Variants in MLLT1 observed in about 807,000 individuals in gnomAD.
MLLT1 encodes MLLT1 super elongation complex subunit.
MLLT1 carries 11 observed loss-of-function variants against 55.1 expected under a neutral mutation model. The ratio of observed to expected loss-of-function variants is 0.20; its 90% CI spans 0.13 to 0.33. The LOEUF is 0.33. Among genes scored for constraint, MLLT1 ranks in the 10% least tolerant of loss-of-function variants. MLLT1 has a pLI of 1.00. For synonymous variants in MLLT1, 323 were observed against 320.1 expected, an observed-to-expected ratio of 1.01 and a Z score of -0.10; for missense variants, 536 against 760.6, an observed-to-expected ratio of 0.70 and a Z score of 3.47.
intron 2 of MLLT1, among the ~76,000 whole-genome samples, chr19:6,265,012 C>A (rs2091335241): frequency 1.2e-5 from 1 of 80,490 alleles, no homozygotes; most frequent in Non-Finnish European, 2.4e-5. Context: ...GAAAGACACT[C>A]AAATGTCACA....
chr19:6,270,507 G>A lies in MLLT1; in HGVS notation c.193+72C>T, dbSNP rs1028848193. The A allele has an allele frequency of 3.2e-5, 48 of 1,488,166 alleles. No homozygotes were observed. Among genetic ancestry groups the A allele is most frequent in the Non-Finnish European group, 2.8e-5 (31 of 1,104,568 alleles). The allele number at this position is 1,488,166 out of a possible 1,614,324, so 92.2% of individuals were successfully genotyped here. On this transcript the variant is annotated intron_variant, in intron 2 of 11. Transcript: ENST00000252674. This position sits in a 1 kb window ranked among gnomAD's most constrained non-coding sequence, Gnocchi z 7.1. ...GTCCTGCTGCTCCTGAGGGAGGGGT[G>A]GAGCCTGGCCTTGGGAGGAGTGAAG... is the stretch of plus-strand genomic sequence containing the variant.
chr19:6,274,741 C>T (rs1246538741), intron 1 of MLLT1, among the ~76,000 whole-genome samples: 1 of 152,180 alleles, frequency 6.6e-6, no homozygotes, highest in African/African-American at 2.4e-5. Context: ...GGGAACCTTC[C>T]AGGACTGTCC....
At chr19:6,247,200 G>A (rs2091176708) in intron 3 of MLLT1, among the ~76,000 whole-genome samples, 1 of 152,148 alleles carries the variant, frequency 6.6e-6, no homozygotes, top group Admixed American at 6.6e-5. Context: ...GGGTGGGGGT[G>A]GTTTCCTAGC....
chr19:6,216,768 T>A (rs1469849223), intron 7 of MLLT1: 3 of 484,276 alleles, frequency 6.2e-6, no homozygotes. Flanking sequence ...CTCAGGGGAC[T>A]GGCCGGCAGT....
rs1600183093 is a variant in MLLT1 at position 6,229,369 on chromosome 19, CCTT to C, written c.420+1198_420+1200del. Among the ~76,000 whole-genome samples the C allele has an allele frequency of 1.3e-5, 2 of 152,028 alleles. No individual in the cohort carries two copies. The highest frequency in any genetic ancestry group is 6.6e-5 in the Admixed American group (1 of 15,264). On this transcript the variant is annotated intron_variant, in intron 4 of 11. Coordinates refer to ENST00000252674, the MANE Select transcript of MLLT1 (RefSeq NM_005934.4). This position sits in a 1 kb window ranked among gnomAD's most constrained non-coding sequence, Gnocchi z 5.2. ...CAAGCTTCTACATGGACAGACGCCTCCTTCTTCTTAGGAGAACGACGGCCACCA... is the reference window on the plus strand; with the variant it reads ...CAAGCTTCTACATGGACAGACGCCTCCTTCTTAGGAGAACGACGGCCACCA...
At position 6,227,114 on chromosome 19, in the gene MLLT1, G is replaced by A; in HGVS notation, c.421-12C>T. 6 of 1,591,140 alleles carry A rather than the reference G, an allele frequency of 3.8e-6. No homozygotes were observed. Among genetic ancestry groups the A allele is most frequent in the Non-Finnish European group, 5.1e-6 (6 of 1,171,200 alleles). ...GGCATTACCATCACCTAGTGACAGA[G>A]AAGAGACAGTCATTATCGATGGGCA... On this transcript the variant is annotated splice_polypyrimidine_tract_variant and intron_variant, in intron 4 of 11. Transcript: ENST00000252674. The surrounding 1 kb of genome is among the most constrained non-coding windows in gnomAD (Gnocchi z 5.1).
chr19:6,265,949 A>C (rs1441886688), intron 2 of MLLT1, among the ~76,000 whole-genome samples: 1 of 152,072 alleles, frequency 6.6e-6, no homozygotes, highest in Non-Finnish European at 1.5e-5. Context: ...ACTGCACTCC[A>C]GCCTGGGCGA....
chr19:6,248,090 G>A (rs761571640), intron 3 of MLLT1, among the ~76,000 whole-genome samples: 3 of 152,140 alleles, frequency 2.0e-5, no homozygotes, highest in Non-Finnish European at 4.4e-5. Context: ...GGGGTGCCAT[G>A]TTGGCCAGGC....
At chr19:6,249,480 C>G (rs559036767) in intron 3 of MLLT1, among the ~76,000 whole-genome samples, 33 of 152,166 alleles carry the variant, frequency 2.2e-4, no homozygotes, top group Non-Finnish European at 4.6e-4. Flanking sequence ...ATTTATTCAT[C>G]CGGGCCACTG....
rs1256433665 is a variant in MLLT1 at position 6,219,510 on chromosome 19, GC to G, written c.1111-1470del. ...CCGAGAGATGGCCTATTTAACCCCA[GC>G]CTTCTAACCAGCAGGCCTTGCTACT... On this transcript the variant is annotated intron_variant, in intron 6 of 11. Coordinates refer to ENST00000252674, the MANE Select transcript of MLLT1 (RefSeq NM_005934.4). The surrounding 1 kb of genome is among the most constrained non-coding windows in gnomAD (Gnocchi z 4.5). Among the ~76,000 whole-genome samples, 2 of 152,178 alleles carry G rather than the reference GC, an allele frequency of 1.3e-5. No homozygotes were observed. Among genetic ancestry groups the G allele is most frequent in the Non-Finnish European group, 2.9e-5 (2 of 68,028 alleles).
chr19:6,218,268 T>C (rs1442504950), intron 6 of MLLT1, among the ~76,000 whole-genome samples: 1 of 152,222 alleles, frequency 6.6e-6, no homozygotes. Flanking sequence ...CACCCGTGGA[T>C]GTCTGGGTTT....
rs751133832 is a variant in MLLT1, at chr19:6,213,415, A to AG, written c.1480-8dup. The AG allele has an allele frequency of 1.1e-4, 169 of 1,606,990 alleles. No individual in the cohort carries two copies. The highest frequency in any genetic ancestry group is 1.6e-4 in the Middle Eastern group (1 of 6,080). On this transcript the variant is annotated splice_polypyrimidine_tract_variant and splice_region_variant and intron_variant, in intron 10 of 11. Coordinates refer to ENST00000252674, the MANE Select transcript of MLLT1 (RefSeq NM_005934.4). Reference sequence around the variant, plus strand: ...CCAGCTCATCCGTGTAGGCCTGGGGAGGGGGGGCAGGTCTCAGCAGCGTGT... The same window carrying AG: ...CCAGCTCATCCGTGTAGGCCTGGGGAGGGGGGGGCAGGTCTCAGCAGCGTGT...
Position 6,231,881 on chromosome 19 carries a change from G to A in MLLT1, c.277-1168C>T, listed in dbSNP as rs1399613728. Among the ~76,000 whole-genome samples, 3 of 152,150 alleles carry A rather than the reference G, an allele frequency of 2.0e-5. No homozygotes were observed. The highest frequency in any genetic ancestry group is 4.4e-5 in the Non-Finnish European group (3 of 68,034). ...TGTAAGCCACAGGTCCCAGGGGAGT[G>A]TGGGAAAACCGCACTATGACAAGCA... is the stretch of plus-strand genomic sequence containing the variant. On this transcript the variant is annotated intron_variant, in intron 3 of 11. Coordinates refer to ENST00000252674, the MANE Select transcript of MLLT1 (RefSeq NM_005934.4). This position sits in a 1 kb window ranked among gnomAD's most constrained non-coding sequence, Gnocchi z 5.1.
In MLLT1 at chr19:6,230,957, T is replaced by C. The variant is rs370671324; in HGVS notation, c.277-244A>G. On this transcript the variant is annotated intron_variant, in intron 3 of 11. Coordinates refer to ENST00000252674, the MANE Select transcript of MLLT1 (RefSeq NM_005934.4). The surrounding 1 kb of genome is among the most constrained non-coding windows in gnomAD (Gnocchi z 9.0). ...CAGAAAGAAAGCTCATTCATAGCCA[T>C]GCTCTCGGACTGTTATGGGAAACAT... Among the ~76,000 whole-genome samples, 27 of 152,314 alleles carry C rather than the reference T, an allele frequency of 1.8e-4. No individual in the cohort carries two copies. Among genetic ancestry groups the C allele is most frequent in the East Asian group, 1.2e-3 (6 of 5,176 alleles).
chr19:6,275,477 C>T (rs916457533), intron 1 of MLLT1, among the ~76,000 whole-genome samples: 6 of 152,230 alleles, frequency 3.9e-5, no homozygotes, highest in African/African-American at 1.4e-4. Context: ...GAATCTTCTC[C>T]CGCCAAGCCC....
intron 2 of MLLT1, among the ~76,000 whole-genome samples, chr19:6,265,906 G>C (rs563684798): frequency 6.6e-6 from 1 of 151,338 alleles, no homozygotes; most frequent in Admixed American, 6.6e-5. Flanking sequence ...TTGAACCCGG[G>C]AGGCGGAGGT....
intron 2 of MLLT1, among the ~76,000 whole-genome samples, chr19:6,269,726 C>T (rs996563602): frequency 1.3e-5 from 2 of 152,190 alleles, no homozygotes; most frequent in African/African-American, 4.8e-5. Context: ...CCGGGACCCC[C>T]GTATTGCAGG....
chr19:6,235,447 C>T lies in MLLT1; in HGVS notation c.277-4734G>A, dbSNP rs764888540. 3.3e-5 allele frequency among the ~76,000 whole-genome samples: 5 copies of T among 152,188 alleles called. No individual in the cohort carries two copies. The highest frequency in any genetic ancestry group is 5.9e-5 in the Non-Finnish European group (4 of 68,014). The stretch of plus-strand genomic sequence containing the variant: ...TATCACCCACAGAAGCCGTGAGTGC[C>T]CCCACAAAGCAGCCTGGGCTAAGAA... On this transcript the variant is annotated intron_variant, in intron 3 of 11. Transcript: ENST00000252674. This position sits in a 1 kb window ranked among gnomAD's most constrained non-coding sequence, Gnocchi z 5.5.
intron 3 of MLLT1, among the ~76,000 whole-genome samples, chr19:6,233,937 C>T (rs1210468929): frequency 6.6e-6 from 1 of 152,222 alleles, no homozygotes; most frequent in Non-Finnish European, 1.5e-5. Context: ...GAACCTGGGG[C>T]TGTGAGGACT....
Sources: allele counts gnomAD v4.1 joint callset (sites outside exome capture counted in the v4.1 genomes callset), GRCh38; gene constraint gnomAD v4.1.1; non-coding constraint Gnocchi (gnomAD v3.1); transcripts MANE v1.5; gene names NCBI Gene and HGNC (gene_info 2026-07-23, HGNC 2026-07-21).